The following IMMP2L variants were observed in gnomAD, a reference collection of about 807,000 sequenced individuals.
IMMP2L encodes the protein mitochondrial inner membrane protease subunit 2.
Under a neutral mutation model 19.3 loss-of-function variants are expected in IMMP2L, and 18 were observed. The ratio of observed to expected loss-of-function variants is 0.93; its 90% confidence interval spans 0.64 to 1.38. The LOEUF (loss-of-function observed/expected upper bound fraction) is 1.38. Ranked by LOEUF, IMMP2L falls within the 40% of genes most tolerant of loss-of-function variation. The pLI is 0.00. For missense variants in IMMP2L, 233 were observed against 218.2 expected, an observed-to-expected ratio of 1.07 and a Z score of -0.43; for synonymous variants, 76 against 73.0, an observed-to-expected ratio of 1.04 and a Z score of -0.21.
At chr7:111,064,416 A>G (rs146967430) in intron 3 of IMMP2L, among the ~76,000 whole-genome samples, 1 of 152,288 alleles carries the variant, frequency 6.6e-6, no homozygotes, top group Non-Finnish European at 1.5e-5. Context: ...AATGCCAACT[A>G]GGTGATAATA....
chr7:111,469,953 G>A (rs563831531), intron 3 of IMMP2L, among the ~76,000 whole-genome samples: 68 of 152,124 alleles, frequency 4.5e-4, no homozygotes, highest in African/African-American at 1.6e-3. Context: ...CAAAATGGGA[G>A]AAAATTTTCG....
At chr7:111,486,596 A>C (rs1842673792) in intron 3 of IMMP2L, among the ~76,000 whole-genome samples, 1 of 152,170 alleles carries the variant, frequency 6.6e-6, no homozygotes. Context: ...TTTTAAAGCA[A>C]ACAAACAAAA....
chr7:110,982,682 G>T (rs2129558297), intron 3 of IMMP2L, among the ~76,000 whole-genome samples: 1 of 152,210 alleles, frequency 6.6e-6, no homozygotes, highest in East Asian at 1.9e-4. Context: ...TATTTGAAAA[G>T]ATATCAACAG....
intron 3 of IMMP2L, among the ~76,000 whole-genome samples, chr7:111,201,819 G>A (rs1345980421): frequency 6.6e-6 from 1 of 152,114 alleles, no homozygotes; most frequent in Non-Finnish European, 1.5e-5. Context: ...TATAAAAGAG[G>A]CTAAAGAGCT....
chr7:110,777,216 G>A (rs1222028622), intron 5 of IMMP2L, among the ~76,000 whole-genome samples: 2 of 151,918 alleles, frequency 1.3e-5, no homozygotes, highest in Non-Finnish European at 2.9e-5. Context: ...ACTACCACAG[G>A]AGCCCAGCTC....
chr7:111,497,309 T>C (rs925423731), intron 2 of IMMP2L, among the ~76,000 whole-genome samples: 1 of 152,180 alleles, frequency 6.6e-6, no homozygotes, highest in South Asian at 2.1e-4. Context: ...ATTGGACATA[T>C]GTGCAAAGGA....
intron 5 of IMMP2L, among the ~76,000 whole-genome samples, chr7:110,821,222 C>G (rs1374951976): frequency 6.6e-6 from 1 of 151,958 alleles, no homozygotes; most frequent in African/African-American, 2.4e-5. Context: ...ATAACTTGCC[C>G]AAAATCAAAG....
chr7:111,290,881 T>A (rs1326921621), intron 3 of IMMP2L, among the ~76,000 whole-genome samples: 1 of 151,452 alleles, frequency 6.6e-6, no homozygotes, highest in Non-Finnish European at 1.5e-5. Context: ...TAATTTTCTA[T>A]CCACCTCCCA....
intron 3 of IMMP2L, among the ~76,000 whole-genome samples, chr7:111,243,470 G>C (rs1815422078): frequency 6.7e-6 from 1 of 150,102 alleles, no homozygotes; most frequent in Non-Finnish European, 1.5e-5. Context: ...AAAGTTATAT[G>C]CTTATAGAAG....
At chr7:111,036,619 A>G (rs1318150000) in intron 3 of IMMP2L, among the ~76,000 whole-genome samples, 1 of 152,178 alleles carries the variant, frequency 6.6e-6, no homozygotes. Flanking sequence ...TCTCAAAACT[A>G]AAGTATTAAT....
intron 3 of IMMP2L, among the ~76,000 whole-genome samples, chr7:111,150,495 C>A (rs1321312539): frequency 6.6e-6 from 1 of 152,140 alleles, no homozygotes; most frequent in Non-Finnish European, 1.5e-5. Context: ...CCAACTGAGT[C>A]CCTGGGACAG....
chr7:110,988,022 A>C (rs113739857), intron 3 of IMMP2L, among the ~76,000 whole-genome samples: 40 of 152,304 alleles, frequency 2.6e-4, no homozygotes, highest in African/African-American at 9.4e-4. Flanking sequence ...AAGGTAACTA[A>C]ATAGTATGGG....
At chr7:110,940,955 C>G (rs2129552998) in intron 4 of IMMP2L, among the ~76,000 whole-genome samples, 1 of 152,268 alleles carries the variant, frequency 6.6e-6, no homozygotes, top group South Asian at 2.1e-4. Context: ...TGAAGGAAGA[C>G]AGCCTGATAA....
chr7:111,325,813 G>A (rs1486442913), intron 3 of IMMP2L, among the ~76,000 whole-genome samples: 5 of 151,342 alleles, frequency 3.3e-5, no homozygotes, highest in African/African-American at 1.2e-4. Context: ...CTATCTTTTG[G>A]CATCATCAGT....
intron 3 of IMMP2L, among the ~76,000 whole-genome samples, chr7:111,111,674 T>C (rs577631850): frequency 6.6e-6 from 1 of 151,946 alleles, no homozygotes; most frequent in East Asian, 1.9e-4. Context: ...CCTGCGTCAA[T>C]AGTAATTTTA....
chr7:111,366,306 C>A (rs1176830375), intron 3 of IMMP2L, among the ~76,000 whole-genome samples: 1 of 145,710 alleles, frequency 6.9e-6, no homozygotes. Context: ...AAACATCAAA[C>A]AGACCTCAAA....
chr7:110,780,313 G>A (rs961282165), intron 5 of IMMP2L, among the ~76,000 whole-genome samples: 3 of 150,696 alleles, frequency 2.0e-5, no homozygotes, highest in Non-Finnish European at 4.4e-5. Context: ...ATAGAAAAAG[G>A]TTTTTGTGTT....
At chr7:110,966,126 T>C (rs1213290056) in intron 3 of IMMP2L, among the ~76,000 whole-genome samples, 1 of 152,066 alleles carries the variant, frequency 6.6e-6, no homozygotes, top group Admixed American at 6.6e-5. Flanking sequence ...TTTAGTGATA[T>C]GGAAATATCA....
intron 3 of IMMP2L, among the ~76,000 whole-genome samples, chr7:111,119,703 T>C (rs950077145): frequency 6.6e-6 from 1 of 152,194 alleles, no homozygotes; most frequent in Non-Finnish European, 1.5e-5. Context: ...ATACAATTCA[T>C]TTATCAGTTC....
Sources: gnomAD v4.1 joint callset for allele counts (sites outside exome capture counted in the v4.1 genomes callset) on GRCh38, gnomAD v4.1.1 for gene constraint, MANE v1.5 for transcripts, NCBI Gene and HGNC (gene_info 2026-07-23, HGNC 2026-07-21) for gene names.